Variants in CTNNA2 observed in about 807,000 individuals in gnomAD.
CTNNA2 encodes the protein catenin alpha 2.
Under a neutral mutation model 101.0 loss-of-function variants are expected in CTNNA2, and 42 were observed. The observed-to-expected ratio is 0.42, with a 90% CI of 0.32 to 0.54. The LOEUF (loss-of-function observed/expected upper bound fraction) is 0.54. CTNNA2 is among the 20% of genes least tolerant of loss of function. The probability of loss-of-function intolerance (pLI) is 0.14; values close to 1 mark genes in which losing one functional copy is unlikely to be tolerated. For synonymous variants in CTNNA2, 450 were observed against 456.4 expected (o/e 0.99, Z 0.18); for missense variants, 871 against 1,223.1 (o/e 0.71, Z 4.29).
intron 4 of CTNNA2, among the ~76,000 whole-genome samples, chr2:79,449,525 A>G (rs1678866747): frequency 1.3e-5 from 2 of 152,058 alleles, no homozygotes; most frequent in African/African-American, 4.8e-5. Context: ...GGAGGAATAT[A>G]TTGGCACATA....
intron 7 of CTNNA2, among the ~76,000 whole-genome samples, chr2:79,916,597 A>T (rs1303743454): frequency 5.5e-5 from 1 of 18,326 alleles, no homozygotes; most frequent in African/African-American, 2.9e-4. Flanking sequence ...TTTTTGACGG[A>T]GGAGTCTCGC....
rs1444747069 is a variant in CTNNA2 at position 80,619,141 on chromosome 2, T to C, written c.2487T>C (p.Asp829=). The C allele has an allele frequency of 6.4e-7, 1 of 1,559,036 alleles. No individual in the cohort carries two copies. The highest frequency in any genetic ancestry group is 1.9e-5 in the Admixed American group (1 of 52,756). The change falls in exon 18 of 19, where the codon GAT becomes GAC. Residue 829 remains aspartate (D), a synonymous_variant. Transcript: ENST00000402739. ...ATGAGGTAGATTGTGATGTCATAGA[T>C]GGGGGCAGGGCTAGTCAACTTTCTA... The part of the protein sequence containing the change: ...TFYEVDCDVI[D]GGRASQLSTH...
At chr2:79,628,271 A>G (rs1187464019) in intron 1 of CTNNA2, among the ~76,000 whole-genome samples, 2 of 151,996 alleles carry the variant, frequency 1.3e-5, no homozygotes, top group Non-Finnish European at 2.9e-5. Flanking sequence ...GGCCAATATG[A>G]TGAAACTCCA....
chr2:79,374,833 G>A (rs1484626814), intron 4 of CTNNA2, among the ~76,000 whole-genome samples: 3 of 152,092 alleles, frequency 2.0e-5, no homozygotes, highest in Admixed American at 1.3e-4. Flanking sequence ...GCAAATGGGT[G>A]ACTTGACTGG....
chr2:79,191,041 T>A (rs2104160034), intron 1 of CTNNA2, among the ~76,000 whole-genome samples: 1 of 152,254 alleles, frequency 6.6e-6, no homozygotes. Context: ...TTCAAAAGCC[T>A]GCCAACATGA....
intron 3 of CTNNA2, among the ~76,000 whole-genome samples, chr2:79,357,612 C>T (rs1042182122): frequency 9.2e-5 from 14 of 152,086 alleles, no homozygotes; most frequent in Admixed American, 5.9e-4. Context: ...GACAGCCAAC[C>T]AAAGACTCAA....
chr2:80,193,008 T>C (rs1290339705), intron 7 of CTNNA2, among the ~76,000 whole-genome samples: 1 of 152,160 alleles, frequency 6.6e-6, no homozygotes, highest in Non-Finnish European at 1.5e-5. Flanking sequence ...TTGTAGGTCA[T>C]TGATGATTGA....
chr2:80,629,741 G>T (rs527259243), intron 18 of CTNNA2, among the ~76,000 whole-genome samples: 2 of 152,142 alleles, frequency 1.3e-5, no homozygotes, highest in East Asian at 1.9e-4. Flanking sequence ...AACATCTTTG[G>T]CTTCTCCCAA....
chr2:80,017,709 C>T (rs1383588946), intron 7 of CTNNA2, among the ~76,000 whole-genome samples: 1 of 152,006 alleles, frequency 6.6e-6, no homozygotes, highest in African/African-American at 2.4e-5. Context: ...GGCCTGGGGC[C>T]TCTATTTCTG....
Position 80,539,427 on chromosome 2 carries a change from AG to A in CTNNA2, c.1291-5554del, listed in dbSNP as rs1208089871. On this transcript the variant is annotated intron_variant, in intron 9 of 18. Coordinates refer to ENST00000402739, the MANE Select transcript of CTNNA2 (RefSeq NM_001282597.3). Reference sequence around the variant, plus strand: ...CCAGAAGAGCCAAAAAAAAAAAAAAAGTTATATTCATTGAGCATCTAGAAAG... The same window carrying A: ...CCAGAAGAGCCAAAAAAAAAAAAAAATTATATTCATTGAGCATCTAGAAAG... Among the ~76,000 whole-genome samples the A allele has an allele frequency of 2.6e-5, 4 of 151,198 alleles. No homozygotes were observed. The East Asian group carries it at 7.8e-4, about 30-fold the overall frequency.
chr2:79,268,048 G>A (rs904836600), intron 2 of CTNNA2, among the ~76,000 whole-genome samples: 2 of 152,130 alleles, frequency 1.3e-5, no homozygotes, highest in African/African-American at 4.8e-5. Flanking sequence ...AAGCACAAAG[G>A]AAATAATTAG....
At chr2:79,226,553 T>C (rs767742051) in intron 2 of CTNNA2, among the ~76,000 whole-genome samples, 1 of 152,188 alleles carries the variant, frequency 6.6e-6, no homozygotes, top group East Asian at 1.9e-4. Context: ...ATAGGGAGCA[T>C]AGCGGACGTT....
At chr2:79,454,152 T>C (rs1670787809) in intron 4 of CTNNA2, among the ~76,000 whole-genome samples, 1 of 152,150 alleles carries the variant, frequency 6.6e-6, no homozygotes, top group South Asian at 2.1e-4. Flanking sequence ...TACTCTTCAT[T>C]TGCAAGATTG....
intron 7 of CTNNA2, chr2:80,162,300 G>C (rs1427046273): frequency 1.3e-6 from 1 of 741,576 alleles, no homozygotes; most frequent in Non-Finnish European, 2.0e-6. Flanking sequence ...AATTCATTTT[G>C]TATTAAACTG....
intron 7 of CTNNA2, among the ~76,000 whole-genome samples, chr2:80,175,549 A>G (rs1705338724): frequency 6.6e-6 from 1 of 152,162 alleles, no homozygotes; most frequent in Admixed American, 6.5e-5. Flanking sequence ...GTTTGCTTCT[A>G]TATTTGGAAC....
intron 6 of CTNNA2, among the ~76,000 whole-genome samples, chr2:79,884,591 C>T (rs919602907): frequency 1.4e-4 from 22 of 152,154 alleles, no homozygotes; most frequent in Non-Finnish European, 2.6e-4. Context: ...AATATCTGCA[C>T]TTGAGGAATA....
intron 2 of CTNNA2, among the ~76,000 whole-genome samples, chr2:79,710,419 A>G (rs1410908758): frequency 1.3e-5 from 2 of 152,198 alleles, no homozygotes; most frequent in Non-Finnish European, 2.9e-5. Flanking sequence ...TGAACTGTCT[A>G]GGAATATGCA....
intron 7 of CTNNA2, among the ~76,000 whole-genome samples, chr2:80,257,809 A>G (rs1351885308): frequency 1.3e-5 from 2 of 152,236 alleles, no homozygotes; most frequent in Non-Finnish European, 2.9e-5. Flanking sequence ...GTGTCCATGA[A>G]TACAGAGATG....
At chr2:79,927,285 C>T (rs1687084273) in intron 7 of CTNNA2, among the ~76,000 whole-genome samples, 1 of 152,070 alleles carries the variant, frequency 6.6e-6, no homozygotes, top group Non-Finnish European at 1.5e-5. Context: ...TTGGTGTTAT[C>T]ATGATCATAT....
Sources: allele counts gnomAD v4.1 joint callset (sites outside exome capture counted in the v4.1 genomes callset), GRCh38; gene constraint gnomAD v4.1.1; transcripts MANE v1.5; gene names NCBI Gene and HGNC (gene_info 2026-07-23, HGNC 2026-07-21).